The following PLXDC2 variants were observed in gnomAD, a reference collection of about 807,000 sequenced individuals.
PLXDC2 encodes the protein plexin domain containing 2.
A neutral mutation model predicts 68.9 loss-of-function variants in PLXDC2; 40 were observed. That is an observed-to-expected ratio of 0.58 (90% CI 0.45 to 0.76). The LOEUF (loss-of-function observed/expected upper bound fraction) is 0.76, where lower values mean the gene tolerates loss of function less well. Among genes scored for constraint, PLXDC2 ranks in the 30% least tolerant of loss-of-function variants. The pLI, the probability that PLXDC2 is intolerant of heterozygous loss-of-function variation, is 0.00. For synonymous variants in PLXDC2, 243 were observed against 234.2 expected (o/e 1.04, Z -0.34); for missense variants, 644 against 661.9 (o/e 0.97, Z 0.30).
At chr10:19,911,844 A>T (rs1372267409) in intron 1 of PLXDC2, among the ~76,000 whole-genome samples, 3 of 152,182 alleles carry the variant, frequency 2.0e-5, no homozygotes, top group Non-Finnish European at 4.4e-5. Context: ...ACAGATCAGT[A>T]TTTAATTCTG....
In PLXDC2 at chr10:20,216,642, C is replaced by T. The variant is rs1835141889; in HGVS notation, c.1123-784C>T. ...TCATGTCCAGAATAGTTATTTTCTA[C>T]TCAAGGCCCACCTGAGAGAGGGAGT... On this transcript the variant is annotated intron_variant, in intron 10 of 13. Transcript: ENST00000377252. 2.6e-5 allele frequency among the ~76,000 whole-genome samples: 4 copies of T among 152,140 alleles called. No individual in the cohort carries two copies. The South Asian group carries it at 8.3e-4, about 31-fold the overall frequency.
intron 4 of PLXDC2, among the ~76,000 whole-genome samples, chr10:20,125,274 T>G (rs1263546001): frequency 2.0e-5 from 3 of 151,680 alleles, no homozygotes; most frequent in Non-Finnish European, 4.4e-5. Flanking sequence ...CTTAACTTAC[T>G]AACAACGCCA....
chr10:19,830,611 G>A (rs760477068), intron 1 of PLXDC2, among the ~76,000 whole-genome samples: 1 of 152,046 alleles, frequency 6.6e-6, no homozygotes, highest in Non-Finnish European at 1.5e-5. Flanking sequence ...TGTTCTCCTG[G>A]GTTTCTTTTA....
rs560690527 is a variant in PLXDC2 at position 20,044,212 on chromosome 10, T to C, written c.325-2657T>C. Among the ~76,000 whole-genome samples the C allele has an allele frequency of 2.3e-3, 10 of 4,442 alleles. No homozygotes were observed. The South Asian group carries it at 0.062, about 27-fold the overall frequency. The allele number at this position is 4,442 out of a possible 152,430, so 2.9% of individuals were successfully genotyped here. ...TTCTTTCTCTCTCTCTCTCTCTCTG[T>C]CTTTCTTTCTTTCTTTCTTTCTTTC... On this transcript the variant is annotated intron_variant, in intron 2 of 13. Transcript: ENST00000377252.
At chr10:20,254,931 C>T (rs1346225440) in intron 13 of PLXDC2, among the ~76,000 whole-genome samples, 1 of 152,094 alleles carries the variant, frequency 6.6e-6, no homozygotes, top group Non-Finnish European at 1.5e-5. Flanking sequence ...AATAAGATTT[C>T]TTTTATAAAT....
Position 20,148,498 on chromosome 10 carries a change from C to CA in PLXDC2, c.783+599dup, listed in dbSNP as rs201958501. Among the ~76,000 whole-genome samples, 1,269 of 152,044 alleles carry CA rather than the reference C, an allele frequency of 8.3e-3. 18 individuals carry two copies. Among genetic ancestry groups the CA allele is most frequent in the African/African-American group, 0.029 (1,187 of 41,488 alleles). Reference sequence around the variant, plus strand: ...GGTTTGTTTCATTTTAACAAACTGACAAAGTAAAGAATGAAAATTTACTAA... The same window carrying CA: ...GGTTTGTTTCATTTTAACAAACTGACAAAAGTAAAGAATGAAAATTTACTAA... On this transcript the variant is annotated intron_variant, in intron 6 of 13. Transcript: ENST00000377252.
chr10:19,898,545 A>C (rs1245656561), intron 1 of PLXDC2, among the ~76,000 whole-genome samples: 2 of 152,176 alleles, frequency 1.3e-5, no homozygotes, highest in Non-Finnish European at 2.9e-5. Flanking sequence ...TGGTGAGCCT[A>C]GCTGGTAGAA....
chr10:19,970,570 T>C (rs1834333287), intron 1 of PLXDC2, among the ~76,000 whole-genome samples: 1 of 152,230 alleles, frequency 6.6e-6, no homozygotes. Context: ...GCCTCCTCTA[T>C]AGCCAATGAA....
chr10:19,980,300 T>C (rs1276528665), intron 1 of PLXDC2, among the ~76,000 whole-genome samples: 2 of 152,232 alleles, frequency 1.3e-5, no homozygotes, highest in African/African-American at 4.8e-5. Flanking sequence ...AGGAACCTTA[T>C]ACTCTTCAGT....
At chr10:20,122,438 C>T (rs1407910788) in intron 4 of PLXDC2, among the ~76,000 whole-genome samples, 5 of 152,190 alleles carry the variant, frequency 3.3e-5, no homozygotes, top group African/African-American at 1.2e-4. Context: ...AGCCACTAAG[C>T]CAAGAAGATC....
rs538982616 is a variant in PLXDC2 at position 19,950,050 on chromosome 10, C to T, written c.113-51725C>T. On this transcript the variant is annotated intron_variant, in intron 1 of 13. Transcript: ENST00000377252. ...AAAAGCCACTTATGACAAATCCACA[C>T]CTAATATCATACTGAATGGGAAAAA... Among the ~76,000 whole-genome samples the T allele has an allele frequency of 2.0e-5, 3 of 152,156 alleles. No individual in the cohort carries two copies. The South Asian group carries it at 6.2e-4, about 32-fold the overall frequency.
intron 4 of PLXDC2, among the ~76,000 whole-genome samples, chr10:20,128,653 CGT>C: frequency 6.6e-6 from 1 of 152,030 alleles, no homozygotes; most frequent in Non-Finnish European, 1.5e-5. Context: ...CCAATGTGTC[CGT>C]GTTTACCCTA....
chr10:20,220,926 T>G (rs1835202753), intron 12 of PLXDC2, among the ~76,000 whole-genome samples: 1 of 142,548 alleles, frequency 7.0e-6, no homozygotes, highest in Admixed American at 7.5e-5. Context: ...CACTGCAACC[T>G]CCGTCTCCTG....
chr10:20,250,521 A>G (rs1835662101), intron 13 of PLXDC2, among the ~76,000 whole-genome samples: 1 of 152,202 alleles, frequency 6.6e-6, no homozygotes, highest in Non-Finnish European at 1.5e-5. Flanking sequence ...TTCATCTCAT[A>G]GACGAGGAGG....
chr10:20,082,614 ACT>A (rs1836588772), intron 4 of PLXDC2, among the ~76,000 whole-genome samples: 1 of 152,064 alleles, frequency 6.6e-6, no homozygotes, highest in Admixed American at 6.6e-5. Flanking sequence ...GAGTAAAGAA[ACT>A]CTCAAGCTTT....
intron 3 of PLXDC2, 47 bp downstream of exon 3, chr10:20,047,062 TA>T: frequency 6.6e-7 from 1 of 1,510,736 alleles, no homozygotes. Context: ...TGTGAAAAAA[TA>T]ATTGCTTTAA....
chr10:20,144,732 C>T (rs1455789604), intron 5 of PLXDC2, among the ~76,000 whole-genome samples: 5 of 152,136 alleles, frequency 3.3e-5, no homozygotes, highest in Non-Finnish European at 7.4e-5. Flanking sequence ...GGGAGTCTAT[C>T]CTACGGAAAC....
At chr10:20,105,048 C>CA (rs11289832) in intron 4 of PLXDC2, among the ~76,000 whole-genome samples, 18,883 of 96,850 alleles carry the variant, frequency 0.19, 1,958 homozygotes, top group East Asian at 0.42. Flanking sequence ...AGACTCCATC[C>CA]AAAAAAAAAA....
chr10:19,837,914 G>A (rs779694763), intron 1 of PLXDC2, among the ~76,000 whole-genome samples: 55 of 152,242 alleles, frequency 3.6e-4, no homozygotes, highest in Admixed American at 2.5e-3. Flanking sequence ...AGTGACTAAC[G>A]TAAAACCATT....
Sources: allele counts gnomAD v4.1 joint callset (sites outside exome capture counted in the v4.1 genomes callset), GRCh38; gene constraint gnomAD v4.1.1; transcripts MANE v1.5; gene names NCBI Gene and HGNC (gene_info 2026-07-23, HGNC 2026-07-21).